The following NRXN3 variants were observed in gnomAD, a reference collection of about 807,000 sequenced individuals.
NRXN3 encodes the protein neurexin III.
Under a neutral mutation model 137.6 loss-of-function variants are expected in NRXN3, and 32 were observed. The ratio of observed to expected loss-of-function variants is 0.23; its 90% confidence interval spans 0.18 to 0.31. The LOEUF is 0.31. Ranked by LOEUF, NRXN3 falls within the 10% of genes least tolerant of loss-of-function variation. The pLI is 1.00. For missense variants in NRXN3, 1,574 were observed against 2,062.5 expected (o/e 0.76, Z 4.59); for synonymous variants, 798 against 784.5 (o/e 1.02, Z -0.29).
chr14:79,603,167 T>A (rs2153836354), intron 16 of NRXN3, among the ~76,000 whole-genome samples: 1 of 152,334 alleles, frequency 6.6e-6, no homozygotes, highest in South Asian at 2.1e-4. Context: ...ATTCACAAGT[T>A]CCCTGGAGTT....
intron 1 of NRXN3, among the ~76,000 whole-genome samples, chr14:78,199,201 C>A (rs1009443598): frequency 5.3e-5 from 8 of 152,072 alleles, no homozygotes; most frequent in Non-Finnish European, 1.0e-4. Context: ...AGAATCTTGG[C>A]CAGAGCTGTT....
chr14:79,369,246 T>C (rs2094004595), intron 15 of NRXN3, among the ~76,000 whole-genome samples: 1 of 152,154 alleles, frequency 6.6e-6, no homozygotes, highest in South Asian at 2.1e-4. Flanking sequence ...GGGCTTATAG[T>C]GAAAGAAAGT....
chr14:79,594,468 T>C (rs955642871), intron 16 of NRXN3, among the ~76,000 whole-genome samples: 1 of 152,186 alleles, frequency 6.6e-6, no homozygotes, highest in Admixed American at 6.5e-5. Context: ...ATAAATATTA[T>C]ATACTTTTGG....
intron 15 of NRXN3, among the ~76,000 whole-genome samples, chr14:79,094,615 C>T (rs74581131): frequency 1.3e-5 from 2 of 152,176 alleles, no homozygotes; most frequent in East Asian, 1.9e-4. Flanking sequence ...TGACGGCAGT[C>T]TGTTCAATAT....
At chr14:79,634,117 C>T (rs986999858) in intron 16 of NRXN3, among the ~76,000 whole-genome samples, 17 of 152,142 alleles carry the variant, frequency 1.1e-4, no homozygotes, top group African/African-American at 4.1e-4. Flanking sequence ...TCTACGGAAA[C>T]AGCTGTGATT....
intron 17 of NRXN3, among the ~76,000 whole-genome samples, chr14:79,683,693 C>A (rs150995370): frequency 1.3e-5 from 2 of 152,272 alleles, no homozygotes; most frequent in African/African-American, 4.8e-5. Flanking sequence ...GCAGTCATCT[C>A]AGTGCTATCT....
At chr14:78,279,725 T>G (rs552858122) in intron 3 of NRXN3, 1 of 152,320 alleles carries the variant, frequency 6.6e-6, no homozygotes, top group East Asian at 1.9e-4. Context: ...AAATTCTCAG[T>G]GATTAAAGAT....
chr14:79,657,257 A>C (rs1317434698), intron 16 of NRXN3, among the ~76,000 whole-genome samples: 1 of 152,162 alleles, frequency 6.6e-6, no homozygotes, highest in Non-Finnish European at 1.5e-5. Flanking sequence ...AATAATGTGG[A>C]GCCTCAATCA....
chr14:78,287,951 G>A (rs1186650593), intron 3 of NRXN3, among the ~76,000 whole-genome samples: 1 of 151,894 alleles, frequency 6.6e-6, no homozygotes, highest in South Asian at 2.1e-4. Flanking sequence ...ATTGGGATCA[G>A]TTCAGTTCAT....
chr14:78,958,549 G>C (rs550205957), intron 11 of NRXN3, among the ~76,000 whole-genome samples: 1 of 151,958 alleles, frequency 6.6e-6, no homozygotes, highest in Non-Finnish European at 1.5e-5. Flanking sequence ...TAGAGATGGC[G>C]TTTCACCGTG....
At chr14:79,035,959 C>T (rs767685897) in intron 15 of NRXN3, among the ~76,000 whole-genome samples, 2 of 151,778 alleles carry the variant, frequency 1.3e-5, no homozygotes, top group African/African-American at 4.8e-5. Context: ...AGTTAATAAC[C>T]CTATTGGTTG....
chr14:78,798,522 A>G (rs7153593), intron 8 of NRXN3, among the ~76,000 whole-genome samples: 134,977 of 152,190 alleles, frequency 0.89, 60,319 homozygotes, highest in Non-Finnish European at 0.95. Flanking sequence ...TTCTAGGTGC[A>G]CAGTGCAAGC....
intron 19 of NRXN3, among the ~76,000 whole-genome samples, chr14:79,776,284 T>C (rs1400256109): frequency 2.0e-5 from 3 of 152,212 alleles, no homozygotes; most frequent in African/African-American, 7.2e-5. Context: ...GTAGAATTGT[T>C]GGTTTGTACC....
intron 19 of NRXN3, among the ~76,000 whole-genome samples, chr14:79,803,286 G>C (rs1430598562): frequency 2.0e-5 from 3 of 152,082 alleles, no homozygotes; most frequent in African/African-American, 7.2e-5. Context: ...TAGAAAGGCT[G>C]TCATATATAT....
At chr14:78,287,302 T>G (rs1215578300) in intron 3 of NRXN3, among the ~76,000 whole-genome samples, 2 of 152,160 alleles carry the variant, frequency 1.3e-5, no homozygotes, top group African/African-American at 2.4e-5. Context: ...ATAGGTCTAG[T>G]AAAGCCATCA....
intron 10 of NRXN3, among the ~76,000 whole-genome samples, chr14:78,900,604 A>C (rs1225753150): frequency 6.6e-6 from 1 of 151,908 alleles, no homozygotes; most frequent in Non-Finnish European, 1.5e-5. Context: ...AATGTCATTA[A>C]AATTTTTACA....
chr14:78,419,956 C>T (rs867402756), intron 4 of NRXN3, among the ~76,000 whole-genome samples: 10 of 4,484 alleles, frequency 2.2e-3, no homozygotes, highest in South Asian at 0.016. Flanking sequence ...CGCGCGCGCG[C>T]GCACGCACAC....
chr14:79,132,703 A>T (rs1296850226), intron 15 of NRXN3, among the ~76,000 whole-genome samples: 1 of 152,190 alleles, frequency 6.6e-6, no homozygotes, highest in Non-Finnish European at 1.5e-5. Flanking sequence ...AAAACAAGAA[A>T]CCACCAGGTG....
At chr14:78,173,643 TTTCCA>T (rs1411323274) in intron 1 of NRXN3, among the ~76,000 whole-genome samples, 2 of 127,018 alleles carry the variant, frequency 1.6e-5, no homozygotes, top group Non-Finnish European at 3.2e-5. Flanking sequence ...CCTCCAGCCC[TTTCCA>T]TCTTCATGAA....
Sources: allele counts gnomAD v4.1 joint callset (sites outside exome capture counted in the v4.1 genomes callset), GRCh38; gene constraint gnomAD v4.1.1; transcripts MANE v1.5; gene names NCBI Gene and HGNC (gene_info 2026-07-23, HGNC 2026-07-21).